The following VWC2L variants were observed in gnomAD, a reference collection of about 807,000 sequenced individuals.
VWC2L encodes von Willebrand factor C domain-containing protein 2-like.
In VWC2L, 10 loss-of-function variants were observed where a neutral mutation model predicts 21.6. The observed-to-expected ratio is 0.46, with a 90% CI of 0.29 to 0.78. The LOEUF is 0.78. Ranked by LOEUF, VWC2L falls within the 30% of genes least tolerant of loss-of-function variation. VWC2L has a pLI of 0.10. For synonymous variants in VWC2L, 96 were observed against 94.3 expected (o/e 1.02, Z -0.10); for missense variants, 209 against 277.1 (o/e 0.75, Z 1.74).
intron 3 of VWC2L, among the ~76,000 whole-genome samples, chr2:214,454,296 A>G (rs1312970501): frequency 6.6e-6 from 1 of 152,090 alleles, no homozygotes; most frequent in African/African-American, 2.4e-5. Context: ...GCTTTTTAGA[A>G]CATCCCATAC....
chr2:214,427,394 T>C (rs1019923286), intron 2 of VWC2L, among the ~76,000 whole-genome samples: 10 of 152,186 alleles, frequency 6.6e-5, no homozygotes, highest in African/African-American at 2.4e-4. Flanking sequence ...AACTAAAAGA[T>C]ACTTAAATCA....
At chr2:214,505,767 C>A (rs1253801827) in intron 3 of VWC2L, among the ~76,000 whole-genome samples, 1 of 152,000 alleles carries the variant, frequency 6.6e-6, no homozygotes, top group Non-Finnish European at 1.5e-5. Flanking sequence ...GAAAAAAAAG[C>A]AAAACATAAG....
chr2:214,492,969 A>G (rs1465807614), intron 3 of VWC2L, among the ~76,000 whole-genome samples: 3 of 152,210 alleles, frequency 2.0e-5, no homozygotes, highest in Non-Finnish European at 4.4e-5. Flanking sequence ...CCCCTGGCCA[A>G]GCGTTTATCA....
rs78924548 is a variant in VWC2L, at chr2:214,470,785, T to C, written c.520+34027T>C. Among the ~76,000 whole-genome samples, 5 of 151,726 alleles carry C rather than the reference T, an allele frequency of 3.3e-5. No individual in the cohort carries two copies. The East Asian group carries it at 7.8e-4, about 24-fold the overall frequency. ...AAAATTAGCTGGGCATATTGGCACA[T>C]GCCTGTAATCCCAGCTATTCAGGAG... On this transcript the variant is annotated intron_variant, in intron 3 of 3. Coordinates refer to ENST00000312504, the MANE Select transcript of VWC2L (RefSeq NM_001080500.4).
intron 3 of VWC2L, among the ~76,000 whole-genome samples, chr2:214,443,245 G>A (rs1164801930): frequency 6.6e-6 from 1 of 152,034 alleles, no homozygotes; most frequent in Admixed American, 6.6e-5. Context: ...TGTGGTGTGT[G>A]CCTGTAATCC....
At chr2:214,436,796 G>A (rs374571597) in intron 3 of VWC2L, 38 bp downstream of exon 3, 136 of 1,608,510 alleles carry the variant, frequency 8.5e-5, no homozygotes, top group South Asian at 1.1e-4. Flanking sequence ...AGAGGGGTTC[G>A]CACAAAATAC....
At chr2:214,462,152 G>C (rs760792476) in intron 3 of VWC2L, among the ~76,000 whole-genome samples, 3 of 152,174 alleles carry the variant, frequency 2.0e-5, no homozygotes, top group South Asian at 2.1e-4. Context: ...GCAGCTGCTT[G>C]GGTTTTGGCA....
At position 214,451,309 on chromosome 2, in the gene VWC2L, G is replaced by GC. The variant is rs894480065; in HGVS notation, c.520+14551_520+14552insC. Among the ~76,000 whole-genome samples, 3 of 23,108 alleles carry GC rather than the reference G, an allele frequency of 1.3e-4. No homozygotes were observed. The African/African-American group carries it at 1.3e-3, about 10-fold the overall frequency. 15.2% of individuals were successfully genotyped at this position (23,108 alleles called of 152,430 possible). A position where few individuals can be genotyped will look rare whatever the true frequency, so the allele number is the denominator to read the frequency against. On this transcript the variant is annotated intron_variant, in intron 3 of 3. Coordinates refer to ENST00000312504, the MANE Select transcript of VWC2L (RefSeq NM_001080500.4). The stretch of plus-strand genomic sequence containing the variant: ...TAAGGAAGGATAAGTGGGTCGGTGT[G>GC]GGGGGGGGGGGCAGTAAAAGCTGAA...
In VWC2L at chr2:214,414,508, C is replaced by T. The variant is rs1173758246; in HGVS notation, c.315C>T (p.Cys105=). ...GTACTAAAGTGGAACACAATGGATG[C>T]TGTCCTGAGTGCAAAGAAGTAAAAA... ...PKCTKVEHNG[C]CPECKEVKNF... Residue 105 remains cysteine (C), a synonymous_variant, in exon 2 of 4, where the codon TGC becomes TGT. Coordinates refer to ENST00000312504, the MANE Select transcript of VWC2L (RefSeq NM_001080500.4). 1.2e-6 allele frequency: 2 copies of T among 1,613,340 alleles called. No homozygotes were observed. The highest frequency in any genetic ancestry group is 1.7e-6 in the Non-Finnish European group (2 of 1,179,636).
At chr2:214,500,236 GCT>G (rs1199190143) in intron 3 of VWC2L, among the ~76,000 whole-genome samples, 1 of 152,122 alleles carries the variant, frequency 6.6e-6, no homozygotes, top group African/African-American at 2.4e-5. Flanking sequence ...TTATTTTTCT[GCT>G]CTGATAAAAC....
chr2:214,464,963 C>T (rs1218994904), intron 3 of VWC2L, among the ~76,000 whole-genome samples: 1 of 152,166 alleles, frequency 6.6e-6, no homozygotes, highest in Non-Finnish European at 1.5e-5. Flanking sequence ...TCAATGTTCA[C>T]TCAAGGTCCA....
At chr2:214,522,431 A>G (rs1689259024) in intron 3 of VWC2L, among the ~76,000 whole-genome samples, 1 of 149,414 alleles carries the variant, frequency 6.7e-6, no homozygotes, top group Admixed American at 6.7e-5. Context: ...TTCCTCCTCC[A>G]CTTCTATTTC....
intron 3 of VWC2L, among the ~76,000 whole-genome samples, chr2:214,493,953 T>C (rs1688778469): frequency 6.6e-6 from 1 of 152,182 alleles, no homozygotes; most frequent in East Asian, 1.9e-4. Context: ...ATCTATTTCT[T>C]CCATTATTTC....
At chr2:214,570,740 C>T (rs1468711526) in intron 3 of VWC2L, among the ~76,000 whole-genome samples, 1 of 152,136 alleles carries the variant, frequency 6.6e-6, no homozygotes, top group Non-Finnish European at 1.5e-5. Context: ...CTCTTTGCTC[C>T]TAGCTCCAAC....
At chr2:214,567,997 ATATGAT>A (rs1483049937) in intron 3 of VWC2L, among the ~76,000 whole-genome samples, 4 of 152,324 alleles carry the variant, frequency 2.6e-5, no homozygotes, top group East Asian at 3.9e-4. Flanking sequence ...ATAGGAAAAT[ATATGAT>A]TATGAAGTAA....
chr2:214,559,161 T>A lies in VWC2L; in HGVS notation c.521-16511T>A, dbSNP rs192523212. Among the ~76,000 whole-genome samples the A allele has an allele frequency of 5.8e-3, 881 of 151,556 alleles. 3 individuals carry two copies. Among genetic ancestry groups the A allele is most frequent in the Non-Finnish European group, 7.8e-3 (527 of 67,928 alleles). On this transcript the variant is annotated intron_variant, in intron 3 of 3. Transcript: ENST00000312504. ...TACAAGAAAAAAACAAACAACCCCA[T>A]CACAAAGTGGGCGAAGGACATGAAC...
intron 3 of VWC2L, among the ~76,000 whole-genome samples, chr2:214,546,458 T>A (rs923288706): frequency 4.6e-5 from 7 of 152,188 alleles, no homozygotes; most frequent in Non-Finnish European, 1.0e-4. Context: ...TACTTCTTTA[T>A]CCTAGAAATG....
At chr2:214,466,142 G>GA (rs1559299197) in intron 3 of VWC2L, among the ~76,000 whole-genome samples, 1 of 151,660 alleles carries the variant, frequency 6.6e-6, no homozygotes, top group African/African-American at 2.4e-5. Context: ...TTTTTGTGTA[G>GA]TTGTTCATTT....
At chr2:214,531,315 A>C (rs1324158467) in intron 3 of VWC2L, among the ~76,000 whole-genome samples, 1 of 152,132 alleles carries the variant, frequency 6.6e-6, no homozygotes, top group Non-Finnish European at 1.5e-5. Context: ...TTTTCTACTG[A>C]GGATATAAGG....
Sources: allele counts gnomAD v4.1 joint callset (sites outside exome capture counted in the v4.1 genomes callset), GRCh38; gene constraint gnomAD v4.1.1; transcripts MANE v1.5; gene names NCBI Gene and HGNC (gene_info 2026-07-23, HGNC 2026-07-21).